Variants in TJP2 observed in about 807,000 individuals in gnomAD.
TJP2 encodes tight junction protein 2.
Under a neutral mutation model 133.1 loss-of-function variants are expected in TJP2, and 91 were observed. That is an observed-to-expected ratio of 0.68 (90% confidence interval 0.58 to 0.81). The LOEUF (loss-of-function observed/expected upper bound fraction) is 0.81. TJP2 is among the 40% of genes least tolerant of loss of function. The probability of loss-of-function intolerance (pLI) is 0.00; values close to 1 mark genes in which losing one functional copy is unlikely to be tolerated. For synonymous variants in TJP2, 592 were observed against 583.4 expected, an observed-to-expected ratio of 1.01 and a Z score of -0.21; for missense variants, 1,541 against 1,565.6, an observed-to-expected ratio of 0.98 and a Z score of 0.26.
chr9:69,212,461 A>T, intron 1 of TJP2, 87 bp from the exon 2 acceptor site: 2 of 1,009,754 alleles, frequency 2.0e-6, no homozygotes, highest in Non-Finnish European at 3.2e-6. Context: ...GCTGGACTTT[A>T]TGTCGAGGCA....
chr9:69,176,949 A>C (rs1421614242), intron 1 of TJP2, among the ~76,000 whole-genome samples: 2 of 150,530 alleles, frequency 1.3e-5, no homozygotes, highest in Non-Finnish European at 3.0e-5. Flanking sequence ...GGTTGGGGAG[A>C]GGCATGAAGT....
intron 1 of TJP2, among the ~76,000 whole-genome samples, chr9:69,191,827 C>G (rs955422589): frequency 2.6e-5 from 4 of 152,092 alleles, no homozygotes; most frequent in African/African-American, 9.6e-5. Context: ...ACCTCCACCT[C>G]CCAGGTTCAA....
chr9:69,146,711 AC>A (rs1186045421), intron 1 of TJP2, among the ~76,000 whole-genome samples: 3 of 112,538 alleles, frequency 2.7e-5, no homozygotes, highest in Admixed American at 1.1e-4. Flanking sequence ...TCCCCAGGGG[AC>A]AATTGTCAAT....
rs376280878 is a variant in TJP2 at position 69,234,480 on chromosome 9, C to G, written c.1713C>G (p.Ala571=). 3 of 1,591,450 alleles carry G rather than the reference C, an allele frequency of 1.9e-6. No homozygotes were observed. The highest frequency in any genetic ancestry group is 2.6e-6 in the Non-Finnish European group (3 of 1,169,734). The change falls in exon 12 of 23, where the codon GCC becomes GCG. Residue 571 remains alanine, a synonymous_variant. Transcript: ENST00000377245. ...QDFRGLVRED[A]VLYLLEIPKG... ...TCAGAGGATTAGTGCGGGAGGATGC[C>G]GTTCTCTACCTGTTAGAAATCCCTA...
chr9:69,235,327 A>T (rs1563944123), intron 12 of TJP2, among the ~76,000 whole-genome samples: 1 of 144,344 alleles, frequency 6.9e-6, no homozygotes, highest in East Asian at 2.0e-4. Flanking sequence ...TTATTTATTT[A>T]TTATTATTTT....
chr9:69,252,417 A>G (rs888539301), intron 21 of TJP2, among the ~76,000 whole-genome samples: 2 of 152,138 alleles, frequency 1.3e-5, no homozygotes, highest in Non-Finnish European at 2.9e-5. Context: ...TACCCATAAA[A>G]TACTAACTCA....
intron 1 of TJP2, among the ~76,000 whole-genome samples, chr9:69,175,342 G>A (rs557916366): frequency 1.3e-5 from 2 of 152,324 alleles, no homozygotes; most frequent in Non-Finnish European, 2.9e-5. Flanking sequence ...GAATCCCAGC[G>A]GGGAGGAGGG....
At chr9:69,178,629 G>T (rs1825267541) in intron 1 of TJP2, among the ~76,000 whole-genome samples, 1 of 152,198 alleles carries the variant, frequency 6.6e-6, no homozygotes, top group African/African-American at 2.4e-5. Flanking sequence ...TCTTAAGCGT[G>T]TGCATCCTGC....
At chr9:69,248,336 CA>C in intron 19 of TJP2, 112 bp downstream of exon 19, 1 of 1,464,378 alleles carries the variant, frequency 6.8e-7, no homozygotes, top group East Asian at 2.5e-5. Context: ...AGGGTTGGAG[CA>C]GATGACTTCC....
At chr9:69,158,036 C>T (rs935612603) in intron 2 of TJP2, among the ~76,000 whole-genome samples, 7 of 150,356 alleles carry the variant, frequency 4.7e-5, no homozygotes, top group African/African-American at 1.2e-4. Context: ...AGTGGCTGGC[C>T]GGGTGCGGTG....
chr9:69,181,528 A>T (rs985025430), intron 1 of TJP2, among the ~76,000 whole-genome samples: 2 of 152,304 alleles, frequency 1.3e-5, no homozygotes, highest in South Asian at 2.1e-4. Context: ...GATTATAGGC[A>T]TGAGCCACCT....
At chr9:69,231,199 T>A (rs1218546009) in intron 11 of TJP2, among the ~76,000 whole-genome samples, 1 of 152,120 alleles carries the variant, frequency 6.6e-6, no homozygotes, top group East Asian at 1.9e-4. Context: ...AACCTCCGCC[T>A]CCTGGGTTCA....
intron 7 of TJP2, among the ~76,000 whole-genome samples, chr9:69,226,882 A>G (rs895814791): frequency 4.6e-5 from 7 of 152,332 alleles, no homozygotes; most frequent in Admixed American, 2.0e-4. Context: ...TAGATGCTCA[A>G]AAAGAATCAA....
chr9:69,200,041 G>A (rs1008673333), intron 1 of TJP2, among the ~76,000 whole-genome samples: 30 of 152,144 alleles, frequency 2.0e-4, no homozygotes, highest in South Asian at 6.2e-4. Context: ...TCCCATTTCT[G>A]AGGTGAATAT....
intron 1 of TJP2, among the ~76,000 whole-genome samples, chr9:69,200,824 G>A (rs1389476242): frequency 6.6e-6 from 1 of 152,092 alleles, no homozygotes; most frequent in Non-Finnish European, 1.5e-5. Flanking sequence ...TGCTGTTCCC[G>A]CAGCAATCTG....
intron 9 of TJP2, among the ~76,000 whole-genome samples, chr9:69,228,464 G>A (rs918237571): frequency 2.0e-5 from 3 of 152,194 alleles, no homozygotes; most frequent in Non-Finnish European, 4.4e-5. Context: ...GCATCATGCA[G>A]TATATGCATG....
intron 1 of TJP2, among the ~76,000 whole-genome samples, chr9:69,191,941 T>A (rs1041518774): frequency 2.6e-5 from 4 of 151,858 alleles, no homozygotes; most frequent in African/African-American, 9.7e-5. Context: ...TTTTGCCTTG[T>A]TAGCCAGGCT....
chr9:69,147,191 C>T (rs916711204), intron 1 of TJP2, among the ~76,000 whole-genome samples: 7 of 152,110 alleles, frequency 4.6e-5, no homozygotes, highest in African/African-American at 1.2e-4. Flanking sequence ...ATTGGGCATG[C>T]GGTAGCCTAG....
chr9:69,137,239 TTCTCTCTC>T lies in TJP2; in HGVS notation c.-130-14408_-130-14401del, dbSNP rs147892355. On this transcript the variant is annotated intron_variant, in intron 1 of 5. Transcript: ENST00000423935. ...TTGTTTTCTTTCCTTCTTTCTTTCT[TTCTCTCTC>T]TCTTTCTTTCTTTCTTTCTTTCTTT... Among the ~76,000 whole-genome samples, 704 of 89,628 alleles carry T rather than the reference TTCTCTCTC, an allele frequency of 7.9e-3. 23 individuals carry two copies. The highest frequency in any genetic ancestry group is 0.027 in the African/African-American group (616 of 22,862). 58.8% of individuals were successfully genotyped at this position (89,628 alleles called of 152,430 possible).
Sources: allele counts gnomAD v4.1 joint callset (sites outside exome capture counted in the v4.1 genomes callset), GRCh38; gene constraint gnomAD v4.1.1; transcripts MANE v1.5; gene names NCBI Gene and HGNC (gene_info 2026-07-23, HGNC 2026-07-21).